CTNNA2: variants seen among roughly 807,000 people sequenced by gnomAD.
CTNNA2 encodes catenin alpha 2.
Under a neutral mutation model 101.0 loss-of-function variants are expected in CTNNA2, and 42 were observed. The ratio of observed to expected loss-of-function variants is 0.42; its 90% CI spans 0.32 to 0.54. The LOEUF (loss-of-function observed/expected upper bound fraction) is 0.54, where lower values mean the gene tolerates loss of function less well. CTNNA2 is among the 20% of genes least tolerant of loss of function. The pLI is 0.14. For missense variants in CTNNA2, 871 were observed against 1,223.1 expected (o/e 0.71, Z 4.29); for synonymous variants, 450 against 456.4 (o/e 0.99, Z 0.18).
At chr2:80,241,151 A>G (rs759365991) in intron 7 of CTNNA2, among the ~76,000 whole-genome samples, 1 of 152,122 alleles carries the variant, frequency 6.6e-6, no homozygotes, top group Non-Finnish European at 1.5e-5. Flanking sequence ...AAAGTATCCC[A>G]TCTTCACAAA....
intron 7 of CTNNA2, among the ~76,000 whole-genome samples, chr2:80,016,289 T>A (rs1051411662): frequency 6.6e-6 from 1 of 152,040 alleles, no homozygotes; most frequent in Non-Finnish European, 1.5e-5. Context: ...AGCTATGGAG[T>A]CTAGTTAGAG....
At chr2:80,114,610 G>A (rs571666505) in intron 7 of CTNNA2, among the ~76,000 whole-genome samples, 3 of 152,210 alleles carry the variant, frequency 2.0e-5, no homozygotes, top group Admixed American at 6.5e-5. Context: ...AGAGGAGCAC[G>A]CTGGCTTTCT....
chr2:79,288,856 G>A (rs1465728519), intron 2 of CTNNA2, among the ~76,000 whole-genome samples: 2 of 152,202 alleles, frequency 1.3e-5, no homozygotes, highest in African/African-American at 4.8e-5. Context: ...CAAACAATGT[G>A]TGATCTTCTT....
At chr2:79,441,599 C>T (rs1354675897) in intron 4 of CTNNA2, among the ~76,000 whole-genome samples, 2 of 152,154 alleles carry the variant, frequency 1.3e-5, no homozygotes, top group Admixed American at 6.6e-5. Flanking sequence ...ATGGCCACCA[C>T]GATCTCTTTT....
At chr2:80,385,196 G>T (rs1053141865) in intron 7 of CTNNA2, among the ~76,000 whole-genome samples, 4 of 152,154 alleles carry the variant, frequency 2.6e-5, no homozygotes, top group Non-Finnish European at 5.9e-5. Context: ...CCAATGTGAT[G>T]GTATTTGGAG....
Position 80,647,896 on chromosome 2 carries a change from C to CT in CTNNA2, c.*29dup. 1 of 1,531,750 alleles carries CT rather than the reference C, an allele frequency of 6.5e-7. No homozygotes were observed. The highest frequency in any genetic ancestry group is 8.8e-7 in the Non-Finnish European group (1 of 1,141,012). 94.9% of individuals were successfully genotyped at this position (1,531,750 alleles called of 1,614,324 possible). On this transcript the variant is annotated 3_prime_UTR_variant, in exon 19 of 19. Transcript: ENST00000402739. ...AGGACGATAGGTTTTAACAAGAAAG[C>CT]TTTTTCTTTCTTTTCTTTCTTTCTT...
At chr2:79,786,849 A>G (rs933664055) in intron 3 of CTNNA2, among the ~76,000 whole-genome samples, 1 of 152,154 alleles carries the variant, frequency 6.6e-6, no homozygotes, top group African/African-American at 2.4e-5. Flanking sequence ...AATAAATACA[A>G]TCATTCCTGC....
chr2:79,289,488 GT>G (rs1675730863), intron 2 of CTNNA2, among the ~76,000 whole-genome samples: 3 of 152,164 alleles, frequency 2.0e-5, no homozygotes, highest in Non-Finnish European at 4.4e-5. Context: ...CAGGCCAGGC[GT>G]GGTGGCTCAC....
At chr2:79,793,996 G>A (rs1224889029) in intron 3 of CTNNA2, among the ~76,000 whole-genome samples, 1 of 151,874 alleles carries the variant, frequency 6.6e-6, no homozygotes, top group Non-Finnish European at 1.5e-5. Flanking sequence ...AGGGTGGGAA[G>A]GGGGTGAGGG....
chr2:79,420,616 T>C (rs1269718528), intron 4 of CTNNA2, among the ~76,000 whole-genome samples: 4 of 152,186 alleles, frequency 2.6e-5, no homozygotes, highest in African/African-American at 9.7e-5. Flanking sequence ...ATTAAACTGC[T>C]TAATTTCTGT....
At chr2:80,083,651 C>G (rs1318512912) in intron 7 of CTNNA2, among the ~76,000 whole-genome samples, 1 of 152,138 alleles carries the variant, frequency 6.6e-6, no homozygotes, top group African/African-American at 2.4e-5. Context: ...AGAACTTTGT[C>G]AGAGTCACCA....
chr2:79,442,301 T>A, intron 4 of CTNNA2, among the ~76,000 whole-genome samples: 1 of 152,196 alleles, frequency 6.6e-6, no homozygotes, highest in East Asian at 1.9e-4. Context: ...GATCTATTTT[T>A]CATTAAGTAC....
At chr2:79,331,979 G>A (rs936279583) in intron 3 of CTNNA2, among the ~76,000 whole-genome samples, 3 of 152,124 alleles carry the variant, frequency 2.0e-5, no homozygotes, top group Admixed American at 6.6e-5. Flanking sequence ...CATAGGTTCT[G>A]TTTTATCTAA....
intron 7 of CTNNA2, among the ~76,000 whole-genome samples, chr2:80,184,538 T>G (rs1415771913): frequency 2.0e-5 from 3 of 152,304 alleles, no homozygotes; most frequent in Non-Finnish European, 4.4e-5. Flanking sequence ...TGATGAAATA[T>G]AATTTTAATA....
intron 7 of CTNNA2, among the ~76,000 whole-genome samples, chr2:80,158,075 C>T (rs899172055): frequency 6.6e-6 from 1 of 152,168 alleles, no homozygotes. Context: ...TTAAAAAACT[C>T]AACCTCGTCA....
At chr2:79,553,113 T>C (rs975036711) in intron 1 of CTNNA2, among the ~76,000 whole-genome samples, 4 of 152,208 alleles carry the variant, frequency 2.6e-5, no homozygotes, top group Non-Finnish European at 4.4e-5. Flanking sequence ...CCCAATCATT[T>C]TTTTGCCCTT....
intron 7 of CTNNA2, among the ~76,000 whole-genome samples, chr2:80,212,642 G>C (rs1483487744): frequency 6.6e-6 from 1 of 152,124 alleles, no homozygotes; most frequent in Non-Finnish European, 1.5e-5. Flanking sequence ...GAGGATTTTT[G>C]CATCAATGTT....
intron 7 of CTNNA2, among the ~76,000 whole-genome samples, chr2:79,998,425 T>A (rs1193342864): frequency 6.6e-6 from 1 of 152,210 alleles, no homozygotes; most frequent in Non-Finnish European, 1.5e-5. Context: ...ATGAGAAGAA[T>A]GTTTCATGCA....
intron 4 of CTNNA2, among the ~76,000 whole-genome samples, chr2:79,438,570 C>T (rs1678742682): frequency 6.6e-6 from 1 of 152,170 alleles, no homozygotes; most frequent in African/African-American, 2.4e-5. Flanking sequence ...GGCCTCTACG[C>T]ACTAGATGCC....
Sources: gnomAD v4.1 joint callset for allele counts (sites outside exome capture counted in the v4.1 genomes callset) on GRCh38, gnomAD v4.1.1 for gene constraint, MANE v1.5 for transcripts, NCBI Gene and HGNC (gene_info 2026-07-23, HGNC 2026-07-21) for gene names.